The following C5 variants were observed in gnomAD, a reference collection of about 807,000 sequenced individuals.
C5 encodes the protein C3 and PZP-like alpha-2-macroglobulin domain-containing protein 4.
In C5, 140 loss-of-function variants were observed where a neutral mutation model predicts 218.8. The observed-to-expected ratio is 0.64, with a 90% CI of 0.56 to 0.74. The LOEUF (loss-of-function observed/expected upper bound fraction) is 0.74. Ranked by LOEUF, C5 falls within the 30% of genes least tolerant of loss-of-function variation. C5 has a pLI of 0.00. For synonymous variants in C5, 614 were observed against 682.3 expected (o/e 0.90, Z 1.56); for missense variants, 1,700 against 1,969.6 (o/e 0.86, Z 2.59).
At chr9:120,969,173 G>T in intron 32 of C5, 55 bp from the exon 33 acceptor site, 1 of 1,411,634 alleles carries the variant, frequency 7.1e-7, no homozygotes, top group Non-Finnish European at 1.0e-6. Context: ...ACTGTTTTCA[G>T]CTGCTTTGGA....
rs779905670 is a variant in C5, at chr9:121,023,422, C to T, written c.1098G>A (p.Gly366=). ...LVATPLFLKP[G]IPYPIKVQVK... Reference sequence around the variant, plus strand: ...AATCTACCTTGATGGGATATGGAATCCCAGGCTTCAGGAAAAGAGGAGTAG... The same window carrying T: ...AATCTACCTTGATGGGATATGGAATTCCAGGCTTCAGGAAAAGAGGAGTAG... Residue 366 remains glycine (G), a synonymous_variant, in exon 10 of 41, where the codon GGG becomes GGA. Transcript: ENST00000223642. 6.2e-7 allele frequency: 1 copy of T among 1,608,174 alleles called. No individual in the cohort carries two copies. Among genetic ancestry groups the T allele is most frequent in the Non-Finnish European group, 8.5e-7 (1 of 1,174,636 alleles).
chr9:120,969,264 T>C, intron 32 of C5, 146 bp from the exon 33 acceptor site: 1 of 724,598 alleles, frequency 1.4e-6, no homozygotes, highest in Non-Finnish European at 2.5e-6. Flanking sequence ...TTAGATACTT[T>C]CAGTGGTTCT....
At chr9:120,957,161 C>A in intron 39 of C5, 124 bp downstream of exon 39, 2 of 733,580 alleles carry the variant, frequency 2.7e-6, no homozygotes, top group Non-Finnish European at 5.0e-6. Flanking sequence ...AGAATATAAG[C>A]TTTAAAAAGG....
chr9:121,024,412 A>G (rs1208850885), intron 9 of C5, among the ~76,000 whole-genome samples: 3 of 149,962 alleles, frequency 2.0e-5, no homozygotes, highest in East Asian at 2.0e-4. Context: ...CAAGAGCCCA[A>G]TAATGTTATC....
intron 39 of C5, among the ~76,000 whole-genome samples, chr9:120,954,876 G>A (rs1013788820): frequency 1.7e-4 from 26 of 151,676 alleles, no homozygotes; most frequent in Non-Finnish European, 2.8e-4. Context: ...TTCCTATTAC[G>A]TCAATATCTG....
chr9:121,039,870 C>T (rs2047561792), intron 3 of C5, among the ~76,000 whole-genome samples: 1 of 152,072 alleles, frequency 6.6e-6, no homozygotes, highest in South Asian at 2.1e-4. Context: ...ATCTCCTGAC[C>T]TTGTGATCCG....
chr9:120,995,921 C>T (rs41309906), intron 22 of C5, among the ~76,000 whole-genome samples: 2,936 of 150,922 alleles, frequency 0.019, 96 homozygotes, highest in African/African-American at 0.068. Context: ...CAGGTTCAAG[C>T]GATTCTCCTG....
At chr9:120,958,336 A>G (rs2046801637) in intron 38 of C5, among the ~76,000 whole-genome samples, 1 of 152,230 alleles carries the variant, frequency 6.6e-6, no homozygotes, top group Non-Finnish European at 1.5e-5. Context: ...TCTGGCTTGT[A>G]GTCCAGAAAA....
intron 6 of C5, among the ~76,000 whole-genome samples, chr9:121,031,363 G>A (rs2047473034): frequency 6.6e-6 from 1 of 152,090 alleles, no homozygotes; most frequent in Non-Finnish European, 1.5e-5. Flanking sequence ...TTGGACTAGG[G>A]GTAAGGAAAC....
rs200162943 is a variant in C5 at position 120,976,704 on chromosome 9, G to A, written c.3860C>T (p.Thr1287Ile). 10 of 1,612,794 alleles carry A rather than the reference G, an allele frequency of 6.2e-6. No homozygotes were observed. The African/African-American group carries it at 1.1e-4, about 17-fold the overall frequency. ...AACAAGACAAAGAAATGTTACCTGG[G>A]TTGAATAAAAGCCACCTCCATACCT... ...EQRYGGGFYS[T>I]QDTINAIEGL... is the part of the protein sequence containing the mutation. The change falls in exon 29 of 41, where the codon ACC becomes ATC. Residue 1287 changes from threonine to isoleucine, a missense_variant. Transcript: ENST00000223642.
chr9:121,027,076 G>T, intron 8 of C5, 84 bp downstream of exon 8: 1 of 768,726 alleles, frequency 1.3e-6, no homozygotes, highest in Non-Finnish European at 2.3e-6. Context: ...ATGGGGGATT[G>T]GACTAGATGG....
At chr9:120,992,159 T>A (rs2047081354) in intron 22 of C5, among the ~76,000 whole-genome samples, 1 of 152,240 alleles carries the variant, frequency 6.6e-6, no homozygotes, top group African/African-American at 2.4e-5. Context: ...ATATGGAAGA[T>A]GCTAAAGAAA....
chr9:120,970,915 T>C (rs1276753975), intron 31 of C5, among the ~76,000 whole-genome samples: 8 of 152,138 alleles, frequency 5.3e-5, no homozygotes, highest in African/African-American at 1.7e-4. Flanking sequence ...CTCGCGCCCA[T>C]AATCCCAGCA....
At chr9:121,016,044 C>T (rs1311641725) in intron 15 of C5, among the ~76,000 whole-genome samples, 1 of 152,102 alleles carries the variant, frequency 6.6e-6, no homozygotes, top group Non-Finnish European at 1.5e-5. Context: ...TTGGAGAGAG[C>T]CAGGGCGAAG....
chr9:120,958,353 C>G (rs933241283), intron 38 of C5, among the ~76,000 whole-genome samples: 1 of 152,098 alleles, frequency 6.6e-6, no homozygotes, highest in African/African-American at 2.4e-5. Context: ...AAAAAGCCAG[C>G]GAAGTCTTTT....
intron 37 of C5, among the ~76,000 whole-genome samples, chr9:120,960,965 T>C (rs2046822935): frequency 6.6e-6 from 1 of 152,196 alleles, no homozygotes; most frequent in Non-Finnish European, 1.5e-5. Flanking sequence ...CTAGAAAATG[T>C]GTAGATATTG....
chr9:121,027,580 A>G (rs970934584), intron 7 of C5, among the ~76,000 whole-genome samples: 5 of 152,362 alleles, frequency 3.3e-5, no homozygotes, highest in African/African-American at 1.2e-4. Flanking sequence ...CCTGACAAAA[A>G]CAAGAAATGG....
intron 17 of C5, among the ~76,000 whole-genome samples, chr9:121,013,084 C>T (rs2047275499): frequency 6.6e-6 from 1 of 152,070 alleles, no homozygotes; most frequent in African/African-American, 2.4e-5. Context: ...CTTTGGGAGG[C>T]CGAGGTGGAC....
Position 121,019,025 on chromosome 9 carries a change from T to C in C5, c.1506+951A>G, listed in dbSNP as rs376838794. On this transcript the variant is annotated intron_variant, in intron 12 of 40. Transcript: ENST00000223642. ...CAAAAACTGTTCAAAGTCATCACAC[T>C]GTCACTAAAACCCCTTTTGTTTCAC... Among the ~76,000 whole-genome samples, 5 of 152,202 alleles carry C rather than the reference T, an allele frequency of 3.3e-5. No individual in the cohort carries two copies. In the East Asian group the frequency reaches 9.7e-4, roughly 29 times the overall value.
Sources: gnomAD v4.1 joint callset for allele counts (sites outside exome capture counted in the v4.1 genomes callset) on GRCh38, gnomAD v4.1.1 for gene constraint, MANE v1.5 for transcripts, NCBI Gene and HGNC (gene_info 2026-07-23, HGNC 2026-07-21) for gene names.